AK7: variants seen among roughly 807,000 people sequenced by gnomAD.
AK7 encodes the protein ATP-AMP transphosphorylase 7.
A neutral mutation model predicts 96.6 loss-of-function variants in AK7; 78 were observed. That is an observed-to-expected ratio of 0.81 (90% CI 0.67 to 0.97). AK7 has a LOEUF of 0.97. AK7 is among the 50% of genes least tolerant of loss of function. The probability of loss-of-function intolerance (pLI) is 0.00; values close to 1 mark genes in which losing one functional copy is unlikely to be tolerated. For missense variants in AK7, 855 were observed against 887.9 expected, an observed-to-expected ratio of 0.96 and a Z score of 0.47; for synonymous variants, 302 against 317.2, an observed-to-expected ratio of 0.95 and a Z score of 0.51.
At chr14:96,462,669 A>G (rs1468004613) in intron 12 of AK7, among the ~76,000 whole-genome samples, 1 of 152,190 alleles carries the variant, frequency 6.6e-6, no homozygotes, top group Non-Finnish European at 1.5e-5. Context: ...TGATCATTGG[A>G]CTATCAACTT....
chr14:96,404,150 TAAA>T (rs34091316), intron 2 of AK7, among the ~76,000 whole-genome samples: 101 of 99,752 alleles, frequency 1.0e-3, no homozygotes, highest in Admixed American at 4.3e-3. Context: ...TGTCTCAAAT[TAAA>T]AAAAAAAAAA....
chr14:96,427,874 C>G (rs1419840835), intron 5 of AK7, among the ~76,000 whole-genome samples: 1 of 152,034 alleles, frequency 6.6e-6, no homozygotes, highest in Non-Finnish European at 1.5e-5. Flanking sequence ...TATTTATACT[C>G]AGAAACAAGT....
At chr14:96,428,827 A>G (rs551809408) in intron 5 of AK7, among the ~76,000 whole-genome samples, 1 of 152,016 alleles carries the variant, frequency 6.6e-6, no homozygotes, top group Non-Finnish European at 1.5e-5. Context: ...TTTTTCTTGT[A>G]AATTTGTTTG....
chr14:96,448,288 T>C (rs1893360770), intron 8 of AK7, among the ~76,000 whole-genome samples: 1 of 152,108 alleles, frequency 6.6e-6, no homozygotes. Context: ...GAGTAGCTTA[T>C]AAAAAATAGA....
chr14:96,466,142 T>C (rs1053048970), intron 12 of AK7, among the ~76,000 whole-genome samples: 1 of 151,204 alleles, frequency 6.6e-6, no homozygotes, highest in Non-Finnish European at 1.5e-5. Flanking sequence ...CATAGCTCAC[T>C]GCAGCCCCTA....
chr14:96,423,981 G>T lies in AK7; in HGVS notation c.609+3049G>T. The T allele has an allele frequency of 1.1e-5, 10 of 915,260 alleles. No individual in the cohort carries two copies. The South Asian group carries it at 1.3e-4, about 12-fold the overall frequency. 56.7% of individuals were successfully genotyped at this position (915,260 alleles called of 1,614,324 possible). A position where few individuals can be genotyped will look rare whatever the true frequency, so the allele number is the denominator to read the frequency against. Reference sequence around the variant, plus strand: ...GGAAATGATGCCATTCCCTGTATTGGGGATCCTTCCTGCTTGGAGCATCCG... The same window carrying T: ...GGAAATGATGCCATTCCCTGTATTGTGGATCCTTCCTGCTTGGAGCATCCG... On this transcript the variant is annotated intron_variant, in intron 5 of 17. Coordinates refer to ENST00000267584, the MANE Select transcript of AK7 (RefSeq NM_152327.5).
chr14:96,427,738 A>G (rs1476352023), intron 5 of AK7, among the ~76,000 whole-genome samples: 3 of 152,200 alleles, frequency 2.0e-5, no homozygotes, highest in Admixed American at 2.0e-4. Context: ...TTCCTCTTTA[A>G]GGCCAATAAC....
chr14:96,438,438 A>C (rs2140084866), intron 6 of AK7, among the ~76,000 whole-genome samples: 1 of 152,312 alleles, frequency 6.6e-6, no homozygotes, highest in Non-Finnish European at 1.5e-5. Flanking sequence ...ACATTTGAGT[A>C]GGAAGGGAAA....
At chr14:96,478,712 G>GT in intron 15 of AK7, 50 bp downstream of exon 15, 1 of 1,578,366 alleles carries the variant, frequency 6.3e-7, no homozygotes, top group Non-Finnish European at 8.7e-7. Flanking sequence ...CCCCAGCAAA[G>GT]CTTGGTGCAG....
intron 8 of AK7, among the ~76,000 whole-genome samples, chr14:96,447,741 C>T (rs374689900): frequency 7.2e-5 from 11 of 152,100 alleles, no homozygotes; most frequent in Non-Finnish European, 1.0e-4. Flanking sequence ...CCTGCCACCT[C>T]GGCCTCTGAA....
At chr14:96,429,380 T>C (rs1892212954) in intron 5 of AK7, among the ~76,000 whole-genome samples, 1 of 152,228 alleles carries the variant, frequency 6.6e-6, no homozygotes, top group Non-Finnish European at 1.5e-5. Flanking sequence ...TAGTATAGTT[T>C]GAAGTCAGGT....
intron 8 of AK7, among the ~76,000 whole-genome samples, chr14:96,448,630 TAAAAAAAAAAAAAAAAAAAA>T (rs71103528): frequency 2.7e-5 from 2 of 74,884 alleles, no homozygotes; most frequent in African/African-American, 3.9e-5. Context: ...ACCCTATCTC[TAAAAAAAAAAAAAAAAAAAA>T]AAAAAAAAAA....
intron 10 of AK7, among the ~76,000 whole-genome samples, chr14:96,455,858 G>C (rs891910010): frequency 1.3e-5 from 2 of 152,098 alleles, no homozygotes; most frequent in African/African-American, 4.8e-5. Context: ...AGTCACCCTG[G>C]TGGTGGTGGT....
At chr14:96,434,410 CTCTG>C (rs1473501712) in intron 5 of AK7, among the ~76,000 whole-genome samples, 1 of 130,576 alleles carries the variant, frequency 7.7e-6, no homozygotes, top group South Asian at 2.5e-4. Flanking sequence ...TATACAGTCT[CTCTG>C]TCTGTCTGTC....
chr14:96,398,883 TCTC>T (rs1890240937), intron 2 of AK7: 1 of 153,282 alleles, frequency 6.5e-6, no homozygotes, highest in African/African-American at 2.4e-5. Flanking sequence ...GCCCTCTTCT[TCTC>T]CTGGGCCAAC....
At chr14:96,418,983 CG>C (rs1047660348) in intron 4 of AK7, among the ~76,000 whole-genome samples, 66 of 152,226 alleles carry the variant, frequency 4.3e-4, no homozygotes, top group African/African-American at 1.5e-3. Flanking sequence ...TGCTCCAACA[CG>C]GATCTCTGAA....
intron 12 of AK7, among the ~76,000 whole-genome samples, chr14:96,458,890 A>T (rs1398679525): frequency 6.9e-6 from 1 of 144,964 alleles, no homozygotes; most frequent in African/African-American, 2.6e-5. Flanking sequence ...AGCCTCAGTG[A>T]CAGAGTAAGA....
chr14:96,436,141 C>T (rs116180253), intron 5 of AK7, among the ~76,000 whole-genome samples: 3,872 of 152,224 alleles, frequency 0.025, 58 homozygotes, highest in Non-Finnish European at 0.031. Flanking sequence ...CTGTCTTGGA[C>T]TGTGGGAAGG....
At chr14:96,417,387 C>G (rs1056332038) in intron 4 of AK7, among the ~76,000 whole-genome samples, 1 of 152,210 alleles carries the variant, frequency 6.6e-6, no homozygotes, top group Non-Finnish European at 1.5e-5. Flanking sequence ...ACCTGGCAAA[C>G]CTACATGTAG....
Sources: gnomAD v4.1 joint callset for allele counts (sites outside exome capture counted in the v4.1 genomes callset) on GRCh38, gnomAD v4.1.1 for gene constraint, MANE v1.5 for transcripts, NCBI Gene and HGNC (gene_info 2026-07-23, HGNC 2026-07-21) for gene names.